The following QKI variants were observed in gnomAD, a reference collection of about 807,000 sequenced individuals.
QKI encodes KH domain-containing RNA-binding protein QKI.
Under a neutral mutation model 39.0 loss-of-function variants are expected in QKI, and 10 were observed. That is an observed-to-expected ratio of 0.26 (90% CI 0.16 to 0.43). QKI has a LOEUF of 0.43. Among genes scored for constraint, QKI ranks in the 20% least tolerant of loss-of-function variants. The pLI, the probability that QKI is intolerant of heterozygous loss-of-function variation, is 1.00. For missense variants in QKI, 218 were observed against 428.0 expected (o/e 0.51, Z 4.33); for synonymous variants, 204 against 155.4 (o/e 1.31, Z -2.33).
chr6:163,475,555 C>T (rs897412206), intron 2 of QKI, among the ~76,000 whole-genome samples: 1 of 152,102 alleles, frequency 6.6e-6, no homozygotes, highest in African/African-American at 2.4e-5. Context: ...CCCCCCACCC[C>T]AGATACCAAG....
intron 3 of QKI, among the ~76,000 whole-genome samples, chr6:163,520,597 C>A (rs1214218641): frequency 6.6e-6 from 1 of 152,124 alleles, no homozygotes; most frequent in African/African-American, 2.4e-5. Flanking sequence ...CTATTAGCTA[C>A]AAGGCTTTGC....
rs1198768310 is a variant in QKI, at chr6:163,414,752, G to C, written c.-442G>C. On this transcript the variant is annotated 5_prime_UTR_variant, in exon 1 of 8. Transcript: ENST00000361752. ...GCGCGGCGGCAGCGGCAGAGGCGCC[G>C]CGGCGGGGACCAGCCCAGAGAGACC... is the stretch of plus-strand genomic sequence containing the variant. The C allele has an allele frequency of 6.7e-6, 1 of 148,844 alleles. No individual in the cohort carries two copies. Among genetic ancestry groups the C allele is most frequent in the Non-Finnish European group, 1.5e-5 (1 of 67,238 alleles). 9.2% of individuals were successfully genotyped at this position (148,844 alleles called of 1,614,324 possible).
chr6:163,431,640 T>C (rs1213279098), intron 1 of QKI, among the ~76,000 whole-genome samples: 1 of 152,090 alleles, frequency 6.6e-6, no homozygotes, highest in African/African-American at 2.4e-5. Flanking sequence ...ACACCGGTTG[T>C]TTTCTGTGAA....
At chr6:163,529,778 C>G (rs187041316) in intron 3 of QKI, among the ~76,000 whole-genome samples, 1 of 152,316 alleles carries the variant, frequency 6.6e-6, no homozygotes, top group East Asian at 1.9e-4. Context: ...TAAGCCATGA[C>G]TGTGTTTCAG....
intron 3 of QKI, among the ~76,000 whole-genome samples, chr6:163,479,997 A>G (rs899084904): frequency 1.4e-4 from 21 of 152,134 alleles, no homozygotes; most frequent in African/African-American, 4.8e-4. Flanking sequence ...ATTTTAAAGT[A>G]TATTGTTTCT....
chr6:163,570,218 T>G lies in QKI; in HGVS notation c.1010-476T>G, dbSNP rs1258455892. 3.1e-6 allele frequency: 3 copies of G among 982,976 alleles called. No individual in the cohort carries two copies. In the Admixed American group the frequency reaches 1.8e-4, roughly 60 times the overall value. 60.9% of individuals were successfully genotyped at this position (982,976 alleles called of 1,614,324 possible). The stretch of plus-strand genomic sequence containing the variant: ...TTGAATTTCTTTAGATTCATTTCTG[T>G]TAATCATCAGTTATTAATAATCACA... On this transcript the variant is annotated intron_variant, in intron 7 of 7. Coordinates refer to ENST00000361752, the MANE Select transcript of QKI (RefSeq NM_006775.3).
chr6:163,430,048 A>T (rs141945696), intron 1 of QKI, among the ~76,000 whole-genome samples: 23 of 152,286 alleles, frequency 1.5e-4, no homozygotes, highest in Non-Finnish European at 1.9e-4. Context: ...AAGGACAGGT[A>T]GGATTGAAGT....
chr6:163,514,006 G>A (rs1312535108), intron 3 of QKI, among the ~76,000 whole-genome samples: 1 of 152,056 alleles, frequency 6.6e-6, no homozygotes, highest in Non-Finnish European at 1.5e-5. Flanking sequence ...GCAAGAAGCA[G>A]ACAAGGCAGT....
At chr6:163,497,439 T>A (rs890682673) in intron 3 of QKI, among the ~76,000 whole-genome samples, 3 of 152,122 alleles carry the variant, frequency 2.0e-5, no homozygotes, top group Non-Finnish European at 2.9e-5. Flanking sequence ...AATGAAAAAT[T>A]CACATTTGAA....
intron 3 of QKI, among the ~76,000 whole-genome samples, chr6:163,501,464 A>G (rs927041662): frequency 9.9e-5 from 15 of 152,216 alleles, no homozygotes; most frequent in African/African-American, 3.6e-4. Context: ...ATCAAAACTA[A>G]GTGAACTGTA....
Position 163,499,660 on chromosome 6 carries a change from C to T in QKI, c.402+20764C>T, listed in dbSNP as rs115244087. Among the ~76,000 whole-genome samples, 436 of 152,262 alleles carry T rather than the reference C, an allele frequency of 2.9e-3. 2 individuals are homozygous for T. The highest frequency in any genetic ancestry group is 9.7e-3 in the African/African-American group (403 of 41,562). On this transcript the variant is annotated intron_variant, in intron 3 of 7. Coordinates refer to ENST00000361752, the MANE Select transcript of QKI (RefSeq NM_006775.3). ...TTCTGTGTTGTCAATCCTGTCCTCA[C>T]CTTCTAAAAAATCAAGCTATCTTTA...
intron 6 of QKI, chr6:163,565,327 CTT>C: frequency 1.0e-6 from 1 of 986,454 alleles, no homozygotes; most frequent in Non-Finnish European, 1.2e-6. Context: ...AGTTATGACT[CTT>C]GACTTCCTGC....
At chr6:163,530,930 G>C (rs1780810134) in intron 3 of QKI, among the ~76,000 whole-genome samples, 1 of 152,000 alleles carries the variant, frequency 6.6e-6, no homozygotes, top group African/African-American at 2.4e-5. Context: ...TTCTCCCTCT[G>C]CTTTCTTTTT....
intron 3 of QKI, among the ~76,000 whole-genome samples, chr6:163,487,284 C>T (rs1484174056): frequency 6.6e-6 from 1 of 152,078 alleles, no homozygotes; most frequent in African/African-American, 2.4e-5. Flanking sequence ...CATTGCCTCT[C>T]TCCTTTCAAG....
intron 2 of QKI, among the ~76,000 whole-genome samples, chr6:163,477,715 A>G (rs975392833): frequency 6.6e-6 from 1 of 152,208 alleles, no homozygotes; most frequent in Non-Finnish European, 1.5e-5. Flanking sequence ...CGAATGATAC[A>G]GGCGTACTAC....
intron 3 of QKI, among the ~76,000 whole-genome samples, chr6:163,493,088 A>G (rs895361540): frequency 2.4e-4 from 37 of 151,134 alleles, no homozygotes; most frequent in African/African-American, 8.0e-4. Context: ...GTGACCTGAT[A>G]TATTTTGTTT....
chr6:163,508,142 GGCCT>G (rs985000594), intron 3 of QKI, among the ~76,000 whole-genome samples: 4 of 152,078 alleles, frequency 2.6e-5, no homozygotes, highest in African/African-American at 9.7e-5. Context: ...AGGTAGGAAT[GGCCT>G]GTGAAGTGGT....
chr6:163,530,164 C>T (rs1349329824), intron 3 of QKI, among the ~76,000 whole-genome samples: 1 of 152,112 alleles, frequency 6.6e-6, no homozygotes, highest in Non-Finnish European at 1.5e-5. Flanking sequence ...ACATCAGTAT[C>T]TCAGCTATTA....
chr6:163,462,193 C>A (rs968523435), intron 2 of QKI, among the ~76,000 whole-genome samples: 9 of 152,172 alleles, frequency 5.9e-5, no homozygotes, highest in African/African-American at 2.2e-4. Flanking sequence ...TGGGCTCAAG[C>A]AATCTTCCTG....
Sources: allele counts gnomAD v4.1 joint callset (sites outside exome capture counted in the v4.1 genomes callset), GRCh38; gene constraint gnomAD v4.1.1; transcripts MANE v1.5; gene names NCBI Gene and HGNC (gene_info 2026-07-23, HGNC 2026-07-21).